The following CPO variants were observed in gnomAD, a reference collection of about 807,000 sequenced individuals.
CPO encodes the protein carboxypeptidase O, also known as metallocarboxypeptidase C.
CPO carries 43 observed loss-of-function variants against 41.2 expected under a neutral mutation model. That is an observed-to-expected ratio of 1.04 (90% CI 0.82 to 1.35). CPO has a LOEUF of 1.35. Among genes scored for constraint, CPO ranks in the 40% most tolerant of loss-of-function variants. The pLI, the probability that CPO is intolerant of heterozygous loss-of-function variation, is 0.00. For synonymous variants in CPO, 178 were observed against 162.7 expected (o/e 1.09, Z -0.72); for missense variants, 408 against 451.7 (o/e 0.90, Z 0.88).
intron 1 of CPO, among the ~76,000 whole-genome samples, chr2:206,940,635 T>A (rs1393215494): frequency 2.0e-5 from 3 of 152,032 alleles, no homozygotes; most frequent in Non-Finnish European, 2.9e-5. Flanking sequence ...TGTGTGTGTA[T>A]GTGTGTGTGT....
At chr2:206,951,897 T>C (rs922764921) in intron 2 of CPO, among the ~76,000 whole-genome samples, 2 of 152,216 alleles carry the variant, frequency 1.3e-5, no homozygotes, top group African/African-American at 2.4e-5. Context: ...TCTCAAGACA[T>C]AAGGCATCTG....
Position 206,959,551 on chromosome 2 carries a change from T to C in CPO, c.373-80T>C, listed in dbSNP as rs1693439971. ...AGGTGTGATGTACAGTCACCTCTTATAATTAAGTTGAAATTGGTAGAAAAT... is the reference window on the plus strand; with the variant it reads ...AGGTGTGATGTACAGTCACCTCTTACAATTAAGTTGAAATTGGTAGAAAAT... On this transcript the variant is annotated intron_variant, in intron 4 of 8. Transcript: ENST00000272852. The C allele has an allele frequency of 5.5e-6, 4 of 722,026 alleles. No homozygotes were observed. In the East Asian group the frequency reaches 7.7e-5, roughly 14 times the overall value. 44.7% of individuals were successfully genotyped at this position (722,026 alleles called of 1,614,324 possible).
intron 4 of CPO, among the ~76,000 whole-genome samples, chr2:206,958,824 C>A (rs554873466): frequency 6.7e-6 from 1 of 148,222 alleles, no homozygotes; most frequent in Non-Finnish European, 1.5e-5. Context: ...TCACTGCAAC[C>A]TCCGCCTCCT....
intron 3 of CPO, 111 bp downstream of exon 3, chr2:206,955,675 G>A (rs1467409019): frequency 1.4e-6 from 1 of 716,772 alleles, no homozygotes; most frequent in Non-Finnish European, 2.5e-6. Flanking sequence ...TGCAGAATCA[G>A]TTTGCTTTTT....
intron 5 of CPO, 134 bp downstream of exon 5, chr2:206,959,875 A>G (rs1693447312): frequency 7.7e-6 from 4 of 519,072 alleles, no homozygotes; most frequent in East Asian, 5.9e-5. Context: ...CATTTGGGAT[A>G]AAAATCAGCT....
chr2:206,956,494 A>C (rs1693361818), intron 3 of CPO, among the ~76,000 whole-genome samples: 1 of 152,160 alleles, frequency 6.6e-6, no homozygotes, highest in Non-Finnish European at 1.5e-5. Flanking sequence ...AGGTCTACTA[A>C]GTCAGAAACT....
Position 206,968,277 on chromosome 2 carries a change from G to A in CPO, c.792G>A (p.Gln264=), listed in dbSNP as rs904773038. 1.2e-6 allele frequency: 2 copies of A among 1,609,886 alleles called. No homozygotes were observed. Among genetic ancestry groups the A allele is most frequent in the Non-Finnish European group, 1.7e-6 (2 of 1,176,200 alleles). Reference sequence around the variant, plus strand: ...CCCACCTACAGATTCAAGTTGGACAGAAGGCAGCAAATGCATTGAAAGCAA... The same window carrying A: ...CCCACCTACAGATTCAAGTTGGACAAAAGGCAGCAAATGCATTGAAAGCAA... ...SNHPEMIQVG[Q]KAANALKAKY... Residue 264 remains glutamine, a synonymous_variant, in exon 8 of 9, where the codon CAG becomes CAA. Transcript: ENST00000272852.
chr2:206,939,785 C>A, intron 1 of CPO, 118 bp downstream of exon 1: 1 of 646,252 alleles, frequency 1.5e-6, no homozygotes, highest in Non-Finnish European at 2.7e-6. Flanking sequence ...TATATACCAC[C>A]ATGAGATGAG....
intron 8 of CPO, 52 bp from the exon 9 acceptor site, chr2:206,969,122 C>A: frequency 3.8e-6 from 6 of 1,581,324 alleles, no homozygotes; most frequent in African/African-American, 1.3e-5. Context: ...CTATAGAAAT[C>A]CATTCTTCCA....
intron 2 of CPO, among the ~76,000 whole-genome samples, chr2:206,949,923 A>T (rs1693219477): frequency 6.6e-6 from 1 of 152,328 alleles, no homozygotes; most frequent in South Asian, 2.1e-4. Context: ...GAAATTTTAA[A>T]AAATTAATAA....
At chr2:206,967,526 G>GA (rs1487254937) in intron 7 of CPO, among the ~76,000 whole-genome samples, 3 of 151,952 alleles carry the variant, frequency 2.0e-5, no homozygotes, top group African/African-American at 7.3e-5. Flanking sequence ...GCTGGCATTT[G>GA]AAAAAATCCT....
At chr2:206,953,499 GAGGTGGGCTCCTACA>G (rs1693303755) in intron 2 of CPO, among the ~76,000 whole-genome samples, 1 of 152,266 alleles carries the variant, frequency 6.6e-6, no homozygotes, top group African/African-American at 2.4e-5. Flanking sequence ...GCTGATGCAA[GAGGTGGGCTCCTACA>G]ACCTTGGACA....
intron 1 of CPO, among the ~76,000 whole-genome samples, chr2:206,944,491 A>C (rs1693104017): frequency 6.6e-6 from 1 of 152,046 alleles, no homozygotes; most frequent in Admixed American, 6.6e-5. Context: ...TGTGAATAAC[A>C]TGAAGATGAT....
intron 7 of CPO, among the ~76,000 whole-genome samples, chr2:206,967,921 G>A (rs1367570439): frequency 6.6e-6 from 1 of 152,196 alleles, no homozygotes; most frequent in Non-Finnish European, 1.5e-5. Flanking sequence ...CATTTCAGAG[G>A]TAGAGTCTGA....
chr2:206,948,834 T>A (rs1468573727), intron 1 of CPO, among the ~76,000 whole-genome samples: 1 of 152,164 alleles, frequency 6.6e-6, no homozygotes, highest in Non-Finnish European at 1.5e-5. Context: ...TCAGAATCCA[T>A]TCAATGTATG....
intron 1 of CPO, among the ~76,000 whole-genome samples, chr2:206,947,043 A>G (rs1009937105): frequency 6.6e-6 from 1 of 152,178 alleles, no homozygotes; most frequent in Non-Finnish European, 1.5e-5. Flanking sequence ...ACTTGATAGC[A>G]AGTTACTTTG....
rs192508378 is a variant in CPO, at chr2:206,969,245, A to C, written c.934A>C (p.Arg312=). The C allele has an allele frequency of 6.2e-7, 1 of 1,614,106 alleles. No individual in the cohort carries two copies. Among genetic ancestry groups the C allele is most frequent in the Non-Finnish European group, 8.5e-7 (1 of 1,179,974 alleles). The change falls in exon 9 of 9, where the codon AGG becomes CGG. Residue 312 remains arginine (R), a synonymous_variant. Transcript: ENST00000272852. The part of the protein sequence containing the change: ...GIPFSYTFEL[R]DSGTYGFVLP... ...TCCCTTCTCATATACGTTTGAGCTG[A>C]GGGACAGTGGAACATATGGGTTTGT... is the stretch of plus-strand genomic sequence containing the variant.
chr2:206,962,409 T>C lies in CPO; in HGVS notation c.575-3T>C. 1 of 1,613,680 alleles carries C rather than the reference T, an allele frequency of 6.2e-7. No individual in the cohort carries two copies. The highest frequency in any genetic ancestry group is 8.5e-7 in the Non-Finnish European group (1 of 1,179,606). On this transcript the variant is annotated splice_polypyrimidine_tract_variant and splice_region_variant and intron_variant, in intron 6 of 8. Transcript: ENST00000272852. Reference sequence around the variant, plus strand: ...CTTCTTTGTGGTTTCTTCCATATTCTAGGTATTGGTGCCTCTAGAAACTGC... The same window carrying C: ...CTTCTTTGTGGTTTCTTCCATATTCCAGGTATTGGTGCCTCTAGAAACTGC...
In CPO at chr2:206,956,156, A is replaced by G. The variant is rs558589840; in HGVS notation, c.267+592A>G. Among the ~76,000 whole-genome samples the G allele has an allele frequency of 3.3e-5, 5 of 152,206 alleles. No individual in the cohort carries two copies. The South Asian group carries it at 1.0e-3, about 32-fold the overall frequency. ...TGGGACCGAAAAACCATTTTTCCACAGGGCCAGGACCCCTGAGCTCCTGGT... is the reference window on the plus strand; with the variant it reads ...TGGGACCGAAAAACCATTTTTCCACGGGGCCAGGACCCCTGAGCTCCTGGT... On this transcript the variant is annotated intron_variant, in intron 3 of 8. Coordinates refer to ENST00000272852, the MANE Select transcript of CPO (RefSeq NM_173077.3).
Sources: gnomAD v4.1 joint callset for allele counts (sites outside exome capture counted in the v4.1 genomes callset) on GRCh38, gnomAD v4.1.1 for gene constraint, MANE v1.5 for transcripts, NCBI Gene and HGNC (gene_info 2026-07-23, HGNC 2026-07-21) for gene names.